Variants in STARD3 observed in about 807,000 individuals in gnomAD.
The protein encoded by STARD3 is stAR-related lipid transfer protein 3.
Under a neutral mutation model 62.0 loss-of-function variants are expected in STARD3, and 39 were observed. The observed-to-expected ratio is 0.63, with a 90% CI of 0.49 to 0.82. STARD3 has a LOEUF of 0.82. STARD3 is among the 40% of genes least tolerant of loss of function. STARD3 has a pLI of 0.00. For synonymous variants in STARD3, 229 were observed against 242.4 expected (o/e 0.94, Z 0.51); for missense variants, 543 against 584.5 (o/e 0.93, Z 0.73).
At chr17:39,658,131 G>A in intron 5 of STARD3, 105 bp downstream of exon 5, 1 of 1,284,866 alleles carries the variant, frequency 7.8e-7, no homozygotes, top group Non-Finnish European at 1.1e-6. Flanking sequence ...CTGTTGTCCG[G>A]GTTAGGGGGA....
Position 39,659,363 on chromosome 17 carries a change from C to T in STARD3, c.703-98C>T, listed in dbSNP as rs571590944. The T allele has an allele frequency of 6.3e-6, 8 of 1,276,326 alleles. No homozygotes were observed. The South Asian group carries it at 1.0e-4, about 16-fold the overall frequency. 79.1% of individuals were successfully genotyped at this position (1,276,326 alleles called of 1,614,324 possible). On this transcript the variant is annotated intron_variant, in intron 8 of 14. Transcript: ENST00000336308. Reference sequence around the variant, plus strand: ...CCACATGTGGCTGGGCCAGGCCCCTCTGGGAAGCATGTGGTATGTCTAGAG... The same window carrying T: ...CCACATGTGGCTGGGCCAGGCCCCTTTGGGAAGCATGTGGTATGTCTAGAG...
intron 1 of STARD3, among the ~76,000 whole-genome samples, chr17:39,640,787 C>G (rs1429220805): frequency 6.6e-6 from 1 of 152,208 alleles, no homozygotes; most frequent in East Asian, 1.9e-4. Context: ...TAGGGTCTTC[C>G]TGTACACTGC....
intron 2 of STARD3, among the ~76,000 whole-genome samples, chr17:39,656,608 A>AT (rs2057132831): frequency 6.6e-6 from 1 of 151,986 alleles, no homozygotes; most frequent in Admixed American, 6.5e-5. Context: ...GCCCAGATGG[A>AT]TTATGGCTGG....
chr17:39,659,690 C>T (rs1331264298), intron 9 of STARD3, 137 bp downstream of exon 9: 5 of 929,068 alleles, frequency 5.4e-6, no homozygotes, highest in Middle Eastern at 2.2e-4. Context: ...GCTGGGCCCT[C>T]GGGTCGGCAG....
At chr17:39,648,013 C>T (rs561060937) in intron 1 of STARD3, among the ~76,000 whole-genome samples, 5 of 152,080 alleles carry the variant, frequency 3.3e-5, no homozygotes, top group Non-Finnish European at 7.4e-5. Context: ...TGGCCGGCCG[C>T]GGTGGCTCAC....
chr17:39,653,833 G>C, intron 2 of STARD3, 83 bp downstream of exon 2: 1 of 1,506,088 alleles, frequency 6.6e-7, no homozygotes, highest in Non-Finnish European at 9.1e-7. Context: ...TGGGAGGGCT[G>C]CCTCTCCCCT....
chr17:39,652,135 G>T (rs377198290), intron 1 of STARD3, among the ~76,000 whole-genome samples: 2 of 152,206 alleles, frequency 1.3e-5, no homozygotes, highest in Non-Finnish European at 2.9e-5. Context: ...GGACGTGAAC[G>T]TGGGTGTGGA....
rs762273522 is a variant in STARD3, at chr17:39,660,908, C to T, written c.1034+19C>T. The stretch of plus-strand genomic sequence containing the variant: ...CCCCAAGGTGAGTCCATGCCGGGCC[C>T]CCTCCTTTCAGCCAGGTCTTCTGCA... On this transcript the variant is annotated intron_variant, in intron 12 of 14. Coordinates refer to ENST00000336308, the MANE Select transcript of STARD3 (RefSeq NM_006804.4). This position sits in a 1 kb window ranked among gnomAD's most constrained non-coding sequence, Gnocchi z 4.8. The T allele has an allele frequency of 4.4e-6, 7 of 1,606,210 alleles. No individual in the cohort carries two copies. Among genetic ancestry groups the T allele is most frequent in the Non-Finnish European group, 6.0e-6 (7 of 1,174,200 alleles).
rs1325791083 is a variant in STARD3, at chr17:39,658,828, C to T, written c.646+8C>T. On this transcript the variant is annotated splice_region_variant and intron_variant, in intron 7 of 14. Coordinates refer to ENST00000336308, the MANE Select transcript of STARD3 (RefSeq NM_006804.4). ...CCCCAGAATCCTTTGCAGGTGAGGG[C>T]TGGTGTGTGGGGGAACTGCTTTCAG... 4 of 1,613,412 alleles carry T rather than the reference C, an allele frequency of 2.5e-6. No homozygotes were observed. The highest frequency in any genetic ancestry group is 3.4e-6 in the Non-Finnish European group (4 of 1,179,538).
chr17:39,643,037 C>T (rs1349409560), intron 1 of STARD3, among the ~76,000 whole-genome samples: 4 of 152,082 alleles, frequency 2.6e-5, no homozygotes, highest in Non-Finnish European at 5.9e-5. Context: ...GAGATGTGAT[C>T]TGGCTTTTAA....
At chr17:39,648,881 C>T (rs1467443030) in intron 1 of STARD3, among the ~76,000 whole-genome samples, 1 of 152,198 alleles carries the variant, frequency 6.6e-6, no homozygotes, top group Non-Finnish European at 1.5e-5. Context: ...GCGTCTCACA[C>T]CCAAGCTGCT....
intron 1 of STARD3, among the ~76,000 whole-genome samples, chr17:39,643,064 G>C (rs1052653333): frequency 6.6e-6 from 1 of 152,160 alleles, no homozygotes; most frequent in Non-Finnish European, 1.5e-5. Flanking sequence ...CCCTGTGGCT[G>C]CTGTGTTGAG....
intron 1 of STARD3, 95 bp downstream of exon 1, chr17:39,637,326 C>G (rs1265175393): frequency 6.6e-6 from 1 of 152,314 alleles, no homozygotes; most frequent in African/African-American, 2.4e-5. Flanking sequence ...GTGCTGGGTT[C>G]CGTCCGACCC....
intron 1 of STARD3, among the ~76,000 whole-genome samples, chr17:39,638,508 C>T (rs2056955036): frequency 6.6e-6 from 1 of 152,212 alleles, no homozygotes. Context: ...CACACCAGCC[C>T]CCGCTGCTTG....
intron 1 of STARD3, among the ~76,000 whole-genome samples, chr17:39,651,107 T>A (rs1051905301): frequency 6.6e-6 from 1 of 152,228 alleles, no homozygotes; most frequent in African/African-American, 2.4e-5. Context: ...AGCTTTTCCG[T>A]AGCACTGTGG....
rs1342938680 is a variant in STARD3 at position 39,662,910 on chromosome 17, T to A, written c.*2T>A. The A allele has an allele frequency of 6.2e-7, 1 of 1,609,108 alleles. No individual in the cohort carries two copies. Among genetic ancestry groups the A allele is most frequent in the Admixed American group, 1.7e-5 (1 of 59,500 alleles). On this transcript the variant is annotated 3_prime_UTR_variant, in exon 15 of 15. Coordinates refer to ENST00000336308, the MANE Select transcript of STARD3 (RefSeq NM_006804.4). ...AGCGAGCTGGGGGCCCGGGCGTGAC[T>A]GTGCCCCCTCCCACCCTGCGGGCCA...
chr17:39,658,593 G>A, intron 6 of STARD3, 71 bp downstream of exon 6: 3 of 1,569,852 alleles, frequency 1.9e-6, no homozygotes, highest in Non-Finnish European at 1.7e-6. Flanking sequence ...TTGCGGGCAT[G>A]AGAGTCAGTC....
chr17:39,663,446 T>A lies in STARD3; in HGVS notation c.*538T>A. 5.3e-6 allele frequency: 1 copy of A among 187,522 alleles called. No individual in the cohort carries two copies. The highest frequency in any genetic ancestry group is 1.1e-5 in the Non-Finnish European group (1 of 92,648). The allele number at this position is 187,522 out of a possible 1,614,324, so 11.6% of individuals were successfully genotyped here. ...AGGGCCTCCTGGGGGACCTTTGTAT[T>A]AAGCCAATTAAAAACATGAATTTAA... On this transcript the variant is annotated 3_prime_UTR_variant, in exon 15 of 15. Coordinates refer to ENST00000336308, the MANE Select transcript of STARD3 (RefSeq NM_006804.4).
chr17:39,645,282 A>T (rs1286515657), intron 1 of STARD3, among the ~76,000 whole-genome samples: 1 of 152,164 alleles, frequency 6.6e-6, no homozygotes, highest in Non-Finnish European at 1.5e-5. Flanking sequence ...CTGCAGCTGG[A>T]TAACCTGGCC....
Sources: allele counts gnomAD v4.1 joint callset (sites outside exome capture counted in the v4.1 genomes callset), GRCh38; gene constraint gnomAD v4.1.1; non-coding constraint Gnocchi (gnomAD v3.1); transcripts MANE v1.5; gene names NCBI Gene and HGNC (gene_info 2026-07-23, HGNC 2026-07-21).